ASTN2: variants seen among roughly 807,000 people sequenced by gnomAD.
ASTN2 encodes astrotactin-2.
ASTN2 carries 54 observed loss-of-function variants against 139.8 expected under a neutral mutation model. The observed-to-expected ratio is 0.39, with a 90% CI of 0.31 to 0.48. ASTN2 has a LOEUF of 0.48. Ranked by LOEUF, ASTN2 falls within the 20% of genes least tolerant of loss-of-function variation. ASTN2 has a pLI of 0.95. For synonymous variants in ASTN2, 756 were observed against 719.5 expected (o/e 1.05, Z -0.81); for missense variants, 1,565 against 1,725.1 (o/e 0.91, Z 1.64).
chr9:116,728,112 T>C (rs998017796), intron 15 of ASTN2, among the ~76,000 whole-genome samples: 2 of 152,122 alleles, frequency 1.3e-5, no homozygotes, highest in Non-Finnish European at 2.9e-5. Context: ...CCTTCATTCA[T>C]TCCTTATTTT....
intron 10 of ASTN2, among the ~76,000 whole-genome samples, chr9:116,966,124 A>G (rs1277896322): frequency 6.6e-6 from 1 of 152,228 alleles, no homozygotes; most frequent in African/African-American, 2.4e-5. Flanking sequence ...AAAGATCTGT[A>G]GACGTGTCTC....
chr9:117,003,955 T>TGCGCGC (rs1837280477), intron 7 of ASTN2, among the ~76,000 whole-genome samples: 1 of 126,996 alleles, frequency 7.9e-6, no homozygotes, highest in Non-Finnish European at 1.6e-5. Context: ...CGCGCGCGCG[T>TGCGCGC]GTGTGTGTGT....
chr9:116,790,730 C>CA (rs1830506359), intron 13 of ASTN2, among the ~76,000 whole-genome samples: 1 of 148,046 alleles, frequency 6.8e-6, no homozygotes, highest in African/African-American at 2.5e-5. Context: ...GGCTGGAGTG[C>CA]AGTGGTGTGA....
At chr9:116,738,070 T>C (rs1828989842) in intron 13 of ASTN2, among the ~76,000 whole-genome samples, 1 of 151,286 alleles carries the variant, frequency 6.6e-6, no homozygotes, top group Admixed American at 6.6e-5. Context: ...CGGGCGCCTG[T>C]AGTCCCAGCT....
At chr9:117,371,331 G>C (rs1829984739) in intron 1 of ASTN2, among the ~76,000 whole-genome samples, 1 of 152,028 alleles carries the variant, frequency 6.6e-6, no homozygotes, top group African/African-American at 2.4e-5. Context: ...AAACTAAAAG[G>C]GTCTATATAT....
At chr9:116,911,891 TCAAACAAA>T (rs113566279) in intron 10 of ASTN2, among the ~76,000 whole-genome samples, 6 of 151,874 alleles carry the variant, frequency 4.0e-5, no homozygotes, top group African/African-American at 1.2e-4. Flanking sequence ...AAACTCCACC[TCAAACAAA>T]CAAACAAACA....
intron 2 of ASTN2, among the ~76,000 whole-genome samples, chr9:117,232,667 T>C (rs1317132170): frequency 6.6e-6 from 1 of 152,214 alleles, no homozygotes; most frequent in Non-Finnish European, 1.5e-5. Flanking sequence ...GTGGAGAAAA[T>C]ATGGGGCTTC....
intron 5 of ASTN2, among the ~76,000 whole-genome samples, chr9:117,061,607 C>T (rs2132688889): frequency 6.6e-6 from 1 of 152,206 alleles, no homozygotes; most frequent in South Asian, 2.1e-4. Flanking sequence ...GGAGTCAAAT[C>T]CTGAAGTTAG....
chr9:116,940,255 G>C (rs930551019), intron 10 of ASTN2, among the ~76,000 whole-genome samples: 3 of 152,166 alleles, frequency 2.0e-5, no homozygotes, highest in African/African-American at 7.2e-5. Flanking sequence ...CCTTTTTATT[G>C]TTATTTGAGA....
intron 4 of ASTN2, 66 bp from the exon 5 acceptor site, chr9:117,096,217 C>A: frequency 7.6e-7 from 1 of 1,308,310 alleles, no homozygotes; most frequent in Non-Finnish European, 1.1e-6. Context: ...ATTCCTCAAC[C>A]ATCCCAGAGA....
chr9:117,000,460 A>C, intron 7 of ASTN2, among the ~76,000 whole-genome samples: 1 of 152,202 alleles, frequency 6.6e-6, no homozygotes, highest in East Asian at 1.9e-4. Context: ...CAAAGGTTTT[A>C]TTTACAGAAC....
At chr9:117,311,164 G>C (rs1827963054) in intron 1 of ASTN2, among the ~76,000 whole-genome samples, 1 of 148,988 alleles carries the variant, frequency 6.7e-6, no homozygotes, top group African/African-American at 2.5e-5. Flanking sequence ...TTGAGATAAT[G>C]CATATAAAGT....
At chr9:116,694,294 C>G (rs951511103) in intron 16 of ASTN2, among the ~76,000 whole-genome samples, 1 of 152,110 alleles carries the variant, frequency 6.6e-6, no homozygotes, top group African/African-American at 2.4e-5. Context: ...CTGATCTGCA[C>G]TGCCAGCTCT....
intron 5 of ASTN2, among the ~76,000 whole-genome samples, chr9:117,048,594 G>A (rs1838813880): frequency 6.6e-6 from 1 of 152,224 alleles, no homozygotes; most frequent in Non-Finnish European, 1.5e-5. Context: ...ACTGCAGGTA[G>A]CTGGGCTTGC....
intron 6 of ASTN2, among the ~76,000 whole-genome samples, chr9:117,009,367 C>G (rs144570306): frequency 6.6e-6 from 1 of 151,972 alleles, no homozygotes; most frequent in Non-Finnish European, 1.5e-5. Context: ...GTAGATATTC[C>G]ACATACATGC....
At position 117,413,482 on chromosome 9, in the gene ASTN2, G is replaced by A. The variant is rs560435598; in HGVS notation, c.442+1015C>T. On this transcript the variant is annotated intron_variant, in intron 1 of 22. Coordinates refer to ENST00000313400, the MANE Select transcript of ASTN2 (RefSeq NM_001365068.1). Reference sequence around the variant, plus strand: ...CGCGCCCCCAAGAGGGGAGGGGAGAGCGAGCAAGCAGCGAGCGCGGGAGAG... The same window carrying A: ...CGCGCCCCCAAGAGGGGAGGGGAGAACGAGCAAGCAGCGAGCGCGGGAGAG... 4.1e-4 allele frequency among the ~76,000 whole-genome samples: 63 copies of A among 152,330 alleles called. No individual in the cohort carries two copies. In the South Asian group the frequency reaches 0.013, roughly 31 times the overall value.
chr9:116,667,870 A>G (rs934782572), intron 16 of ASTN2, among the ~76,000 whole-genome samples: 2 of 121,664 alleles, frequency 1.6e-5, no homozygotes, highest in African/African-American at 6.3e-5. Flanking sequence ...AACATCCCCA[A>G]CAGAGTGGTA....
intron 10 of ASTN2, among the ~76,000 whole-genome samples, chr9:116,947,561 T>C (rs1274011630): frequency 6.6e-6 from 1 of 152,208 alleles, no homozygotes; most frequent in Admixed American, 6.5e-5. Context: ...CATGAGGATA[T>C]GCAGAAGGAG....
intron 20 of ASTN2, among the ~76,000 whole-genome samples, chr9:116,445,799 C>T (rs1368595271): frequency 6.6e-6 from 1 of 152,176 alleles, no homozygotes; most frequent in Non-Finnish European, 1.5e-5. Context: ...ATAATAGGCC[C>T]AGTTCAATCT....
Sources: gnomAD v4.1 joint callset for allele counts (sites outside exome capture counted in the v4.1 genomes callset) on GRCh38, gnomAD v4.1.1 for gene constraint, MANE v1.5 for transcripts, NCBI Gene and HGNC (gene_info 2026-07-23, HGNC 2026-07-21) for gene names.